The following BACH2 variants were observed in gnomAD, a reference collection of about 807,000 sequenced individuals.
The protein encoded by BACH2 is transcription regulator protein BACH2.
In BACH2, 5 loss-of-function variants were observed where a neutral mutation model predicts 61.8. The observed-to-expected ratio is 0.08, with a 90% CI of 0.04 to 0.17. The LOEUF is 0.17. BACH2 is among the 10% of genes least tolerant of loss of function. The probability of loss-of-function intolerance (pLI) is 1.00; values close to 1 mark genes in which losing one functional copy is unlikely to be tolerated. For synonymous variants in BACH2, 446 were observed against 440.1 expected, an observed-to-expected ratio of 1.01 and a Z score of -0.17; for missense variants, 824 against 1,091.1, an observed-to-expected ratio of 0.76 and a Z score of 3.45.
chr6:90,120,354 C>T (rs1182936592), intron 4 of BACH2, among the ~76,000 whole-genome samples: 3 of 152,166 alleles, frequency 2.0e-5, no homozygotes, highest in African/African-American at 4.8e-5. Flanking sequence ...ACTCTGTGGG[C>T]ATTTAACAAT....
chr6:90,208,719 T>C (rs1769235467), intron 3 of BACH2, among the ~76,000 whole-genome samples: 1 of 152,198 alleles, frequency 6.6e-6, no homozygotes, highest in South Asian at 2.1e-4. Context: ...ACCCAAAGGA[T>C]TATAAATCAT....
intron 3 of BACH2, among the ~76,000 whole-genome samples, chr6:90,239,843 A>G (rs1446885603): frequency 7.5e-6 from 1 of 132,736 alleles, no homozygotes; most frequent in Non-Finnish European, 1.6e-5. Context: ...ACACACACAC[A>G]CGCTGACTAT....
Position 90,269,815 on chromosome 6 carries a change from GAC to G in BACH2, c.-353+2032_-353+2033del, listed in dbSNP as rs546236736. On this transcript the variant is annotated intron_variant, in intron 2 of 8. Coordinates refer to ENST00000257749, the MANE Select transcript of BACH2 (RefSeq NM_021813.4). ...ATAAGCTGATGGCCCCGGTGAGTGG[GAC>G]ACACGCTGGGCAGCTGTGTGAACTT... 9.1e-4 allele frequency among the ~76,000 whole-genome samples: 138 copies of G among 152,260 alleles called. No individual in the cohort carries two copies. In the Middle Eastern group the frequency reaches 0.02, roughly 23 times the overall value.
intron 1 of BACH2, among the ~76,000 whole-genome samples, chr6:90,289,489 T>C (rs1467573516): frequency 6.6e-6 from 1 of 152,204 alleles, no homozygotes; most frequent in Non-Finnish European, 1.5e-5. Flanking sequence ...TTATTTTAAA[T>C]AGATGCTGTC....
intron 4 of BACH2, among the ~76,000 whole-genome samples, chr6:90,098,273 GCC>G: frequency 6.6e-6 from 1 of 150,428 alleles, no homozygotes; most frequent in East Asian, 2.0e-4. Context: ...AGATTTCTTT[GCC>G]CCCCCCGCAA....
intron 6 of BACH2, among the ~76,000 whole-genome samples, chr6:90,007,163 C>T (rs1384031654): frequency 1.3e-5 from 2 of 152,142 alleles, no homozygotes; most frequent in Non-Finnish European, 2.9e-5. Flanking sequence ...CAACCTCCGC[C>T]TCCCAGGTTC....
intron 5 of BACH2, among the ~76,000 whole-genome samples, chr6:90,068,932 C>G (rs1014337650): frequency 2.0e-5 from 3 of 152,172 alleles, no homozygotes; most frequent in Non-Finnish European, 2.9e-5. Context: ...ATCACACTTA[C>G]AGCATGTACC....
chr6:90,002,568 G>A (rs371095286), intron 6 of BACH2, among the ~76,000 whole-genome samples: 8 of 152,156 alleles, frequency 5.3e-5, no homozygotes, highest in Non-Finnish European at 1.0e-4. Flanking sequence ...TCAGGAGTTC[G>A]AGACCAGCCT....
intron 4 of BACH2, among the ~76,000 whole-genome samples, chr6:90,179,002 T>C (rs1403382376): frequency 2.6e-5 from 4 of 152,128 alleles, no homozygotes; most frequent in Admixed American, 2.6e-4. Context: ...CTCGTTAAAA[T>C]ATACTTAGGA....
chr6:89,998,441 CAA>C (rs1467556821), intron 6 of BACH2, among the ~76,000 whole-genome samples: 1 of 152,050 alleles, frequency 6.6e-6, no homozygotes, highest in Non-Finnish European at 1.5e-5. Context: ...GAGTCTATGG[CAA>C]AGTGATGAAT....
chr6:90,285,420 C>T (rs533133673), intron 1 of BACH2, among the ~76,000 whole-genome samples: 2 of 152,258 alleles, frequency 1.3e-5, no homozygotes, highest in East Asian at 1.9e-4. Context: ...GAAAGCCTAA[C>T]TAAGTTAAAG....
intron 4 of BACH2, among the ~76,000 whole-genome samples, chr6:90,092,814 G>A (rs1245345202): frequency 6.6e-6 from 1 of 152,178 alleles, no homozygotes; most frequent in Non-Finnish European, 1.5e-5. Context: ...AGTAAAACAA[G>A]GGGGTTGGAT....
chr6:90,285,610 T>C (rs1410049580), intron 1 of BACH2, among the ~76,000 whole-genome samples: 3 of 152,108 alleles, frequency 2.0e-5, no homozygotes, highest in African/African-American at 7.2e-5. Flanking sequence ...CCTACAAAGG[T>C]AGAAATTTGT....
rs1772688292 is a variant in BACH2, at chr6:89,932,123, G to A, written c.*285C>T. 2 of 322,240 alleles carry A rather than the reference G, an allele frequency of 6.2e-6. No homozygotes were observed. The highest frequency in any genetic ancestry group is 5.5e-5 in the East Asian group (1 of 18,060). 20.0% of individuals were successfully genotyped at this position (322,240 alleles called of 1,614,324 possible). ...AAATCCGTGGTTGGGGCCTAGAGGT[G>A]TTGTAGTCTATCCCTGTGAAGACTG... is the stretch of plus-strand genomic sequence containing the variant. On this transcript the variant is annotated 3_prime_UTR_variant, in exon 9 of 9. Coordinates refer to ENST00000257749, the MANE Select transcript of BACH2 (RefSeq NM_021813.4).
chr6:90,068,315 C>T (rs1379316291), intron 5 of BACH2, among the ~76,000 whole-genome samples: 1 of 152,164 alleles, frequency 6.6e-6, no homozygotes, highest in African/African-American at 2.4e-5. Context: ...TCTCAGGCAC[C>T]ACTGAGTACA....
intron 1 of BACH2, among the ~76,000 whole-genome samples, chr6:90,288,845 C>T (rs1048012336): frequency 2.6e-5 from 4 of 152,040 alleles, no homozygotes; most frequent in Non-Finnish European, 5.9e-5. Context: ...CCTTTTCCTA[C>T]CCACCAAAAA....
intron 4 of BACH2, among the ~76,000 whole-genome samples, chr6:90,184,996 T>C (rs1392001844): frequency 3.3e-5 from 5 of 152,152 alleles, no homozygotes; most frequent in African/African-American, 4.8e-5. Context: ...GAGTTAAGAG[T>C]ACCTGTTTAG....
At chr6:90,061,113 GA>G (rs1336830174) in intron 5 of BACH2, among the ~76,000 whole-genome samples, 2 of 152,118 alleles carry the variant, frequency 1.3e-5, no homozygotes, top group Non-Finnish European at 2.9e-5. Flanking sequence ...TGCTTTTGAA[GA>G]GCTTTTTCTA....
intron 6 of BACH2, among the ~76,000 whole-genome samples, chr6:89,974,796 T>C (rs948602319): frequency 2.6e-5 from 4 of 152,246 alleles, no homozygotes; most frequent in African/African-American, 4.8e-5. Flanking sequence ...CAATGCATAA[T>C]TGCATACCCA....
Sources: gnomAD v4.1 joint callset for allele counts (sites outside exome capture counted in the v4.1 genomes callset) on GRCh38, gnomAD v4.1.1 for gene constraint, MANE v1.5 for transcripts, NCBI Gene and HGNC (gene_info 2026-07-23, HGNC 2026-07-21) for gene names.